ACSS2: variants seen among roughly 807,000 people sequenced by gnomAD.
ACSS2 encodes acyl-CoA synthetase short chain family member 2, also known as acetyl-coenzyme A synthetase, cytoplasmic.
In ACSS2, 58 loss-of-function variants were observed where a neutral mutation model predicts 90.6. The observed-to-expected ratio is 0.64, with a 90% CI of 0.52 to 0.80. The LOEUF (loss-of-function observed/expected upper bound fraction) is 0.80. Ranked by LOEUF, ACSS2 falls within the 30% of genes least tolerant of loss-of-function variation. The pLI is 0.00. For missense variants in ACSS2, 759 were observed against 912.0 expected, an observed-to-expected ratio of 0.83 and a Z score of 2.16; for synonymous variants, 300 against 330.9, an observed-to-expected ratio of 0.91 and a Z score of 1.01.
intron 2 of ACSS2, among the ~76,000 whole-genome samples, chr20:34,911,039 A>G (rs918936662): frequency 2.0e-5 from 3 of 151,950 alleles, no homozygotes; most frequent in Non-Finnish European, 4.4e-5. Flanking sequence ...TGTGTTGCTC[A>G]GATTGGTCTT....
In ACSS2 at chr20:34,919,636, GAAGT is replaced by G. The variant is rs1399782834; in HGVS notation, c.972+69_972+72del. The G allele has an allele frequency of 5.3e-6, 8 of 1,514,546 alleles. No individual in the cohort carries two copies. In the Admixed American group the frequency reaches 1.6e-4, roughly 31 times the overall value. The allele number at this position is 1,514,546 out of a possible 1,614,324, so 93.8% of individuals were successfully genotyped here. The stretch of plus-strand genomic sequence containing the variant: ...GTGTGTGTGTATTATGTAGGGGTAA[GAAGT>G]AAGTTTCTGAGGAAACAAGTAATGA... On this transcript the variant is annotated intron_variant, in intron 8 of 17. Coordinates refer to ENST00000360596, the MANE Select transcript of ACSS2 (RefSeq NM_018677.4).
upstream of ACSS2, among the ~76,000 whole-genome samples, chr20:34,875,584 C>T (rs1243938584): frequency 6.6e-6 from 1 of 151,956 alleles, no homozygotes; most frequent in Non-Finnish European, 1.5e-5. Flanking sequence ...ACAAAAACAA[C>T]AACAAAAAAA....
chr20:34,925,401 C>T (rs190935211), intron 14 of ACSS2, among the ~76,000 whole-genome samples: 2 of 152,242 alleles, frequency 1.3e-5, no homozygotes, highest in East Asian at 1.9e-4. Flanking sequence ...ACAATGCAAC[C>T]GAGACAAGCT....
intron 1 of ACSS2, among the ~76,000 whole-genome samples, chr20:34,877,940 A>ATAGATAGATAGATAGATAGT (rs958596109): frequency 1.3e-5 from 2 of 148,576 alleles, no homozygotes; most frequent in South Asian, 2.1e-4. Flanking sequence ...AGATAGATAG[A>ATAGATAGATAGATAGATAGT]TAGTTTGTTT....
chr20:34,888,769 G>A (rs1262074780), intron 2 of ACSS2, among the ~76,000 whole-genome samples: 2 of 152,194 alleles, frequency 1.3e-5, no homozygotes, highest in East Asian at 1.9e-4. Flanking sequence ...AAAGTATGGA[G>A]TGTGCCACGC....
intron 2 of ACSS2, among the ~76,000 whole-genome samples, chr20:34,903,165 A>G (rs2080711014): frequency 6.6e-6 from 1 of 151,950 alleles, no homozygotes; most frequent in East Asian, 2.0e-4. Flanking sequence ...AACATGGTAA[A>G]ACTTCATCTC....
chr20:34,920,643 TG>T lies in ACSS2; in HGVS notation c.1079del (p.Gly360ValfsTer32), dbSNP rs2081176160. On this transcript the variant is annotated frameshift_variant, in exon 9 of 18. Coordinates refer to ENST00000360596, the MANE Select transcript of ACSS2 (RefSeq NM_018677.4). LOFTEE classifies it high-confidence loss of function. ...ATGTGTTCTGGTGCACGGCAGACATTGGTTGGATCACTGGTCATTCCTACGT... is the reference window on the plus strand; with the variant it reads ...ATGTGTTCTGGTGCACGGCAGACATTGTTGGATCACTGGTCATTCCTACGT... ...EDVFWCTADI[G>X]WITGHSYVTY... 5 of 1,614,014 alleles carry T rather than the reference TG, an allele frequency of 3.1e-6. No homozygotes were observed. The highest frequency in any genetic ancestry group is 4.2e-6 in the Non-Finnish European group (5 of 1,180,016).
chr20:34,894,386 T>A (rs6120754), intron 2 of ACSS2, among the ~76,000 whole-genome samples: 83,123 of 151,886 alleles, frequency 0.55, 23,417 homozygotes, highest in South Asian at 0.74. Flanking sequence ...GCTACTCGGG[T>A]GGCTGAGGCA....
chr20:34,911,776 G>T (rs1415824137), intron 2 of ACSS2, among the ~76,000 whole-genome samples: 1 of 152,116 alleles, frequency 6.6e-6, no homozygotes, highest in South Asian at 2.1e-4. Context: ...TAAGCTCCAT[G>T]ATATCAGGTA....
intron 2 of ACSS2, among the ~76,000 whole-genome samples, chr20:34,906,941 A>C (rs1262502006): frequency 7.2e-6 from 1 of 139,764 alleles, no homozygotes; most frequent in Non-Finnish European, 1.5e-5. Flanking sequence ...CCGAGATCGC[A>C]CTATTGCACT....
chr20:34,913,284 G>A, intron 3 of ACSS2, 97 bp downstream of exon 3: 1 of 1,551,072 alleles, frequency 6.4e-7, no homozygotes, highest in Non-Finnish European at 8.9e-7. Flanking sequence ...GAAAGAATTT[G>A]GTAACAGAGG....
intron 2 of ACSS2, among the ~76,000 whole-genome samples, chr20:34,894,017 A>G (rs931284231): frequency 6.6e-5 from 10 of 152,240 alleles, no homozygotes; most frequent in Admixed American, 3.3e-4. Context: ...TCTAAGTGTG[A>G]TTTTTTTGAC....
chr20:34,919,085 G>A (rs2081136228), intron 7 of ACSS2, among the ~76,000 whole-genome samples: 1 of 152,138 alleles, frequency 6.6e-6, no homozygotes, highest in Non-Finnish European at 1.5e-5. Context: ...AGCAGGGTTG[G>A]GGGTAGCAAT....
At chr20:34,913,243 T>A in intron 3 of ACSS2, 56 bp downstream of exon 3, 1 of 1,585,922 alleles carries the variant, frequency 6.3e-7, no homozygotes. Context: ...TATCTGAGTA[T>A]CTGAGACTTA....
In ACSS2 at chr20:34,882,980, C is replaced by A; in HGVS notation, c.365C>A (p.Ala122Asp). The change falls in exon 2 of 18, where the codon GCT becomes GAT. Residue 122 changes from alanine (A) to aspartate (D), a missense_variant. Coordinates refer to ENST00000360596, the MANE Select transcript of ACSS2 (RefSeq NM_018677.4). Reference protein sequence around the residue: ...VHEKKLGDKVAFYWEGNEPGE... With the variant: ...VHEKKLGDKVDFYWEGNEPGE... ...GAGAAAAAGCTTGGAGATAAAGTTG[C>A]TTTTTACTGGTAAAAATATCTATCT... is the stretch of plus-strand genomic sequence containing the variant. 6.2e-7 allele frequency: 1 copy of A among 1,601,806 alleles called. No individual in the cohort carries two copies. Among genetic ancestry groups the A allele is most frequent in the Non-Finnish European group, 8.5e-7 (1 of 1,176,332 alleles).
intron 1 of ACSS2, among the ~76,000 whole-genome samples, chr20:34,877,909 C>CAGACAGATAGATAGATAGATAGATAGAT (rs1555878357): frequency 6.8e-6 from 1 of 146,534 alleles, no homozygotes; most frequent in Admixed American, 6.9e-5. Context: ...GATAGATAGA[C>CAGACAGATAGATAGATAGATAGATAGAT]AGATAGATAG....
At chr20:34,899,962 A>G (rs909047604) in intron 2 of ACSS2, among the ~76,000 whole-genome samples, 4 of 152,156 alleles carry the variant, frequency 2.6e-5, no homozygotes, top group Admixed American at 1.3e-4. Flanking sequence ...TGGTAAGTCT[A>G]TATTTAACCT....
At chr20:34,892,576 A>C (rs2080360228) in intron 2 of ACSS2, among the ~76,000 whole-genome samples, 2 of 152,186 alleles carry the variant, frequency 1.3e-5, no homozygotes, top group Admixed American at 6.6e-5. Context: ...CACCTCTTTA[A>C]ACCTCAATTT....
chr20:34,875,368 A>C (rs2079884540), upstream of ACSS2, among the ~76,000 whole-genome samples: 1 of 152,204 alleles, frequency 6.6e-6, no homozygotes, highest in Non-Finnish European at 1.5e-5. Context: ...CAGGAGTTCA[A>C]GACCAGCCTG....
Sources: allele counts gnomAD v4.1 joint callset (sites outside exome capture counted in the v4.1 genomes callset), GRCh38; gene constraint gnomAD v4.1.1; transcripts MANE v1.5; gene names NCBI Gene and HGNC (gene_info 2026-07-23, HGNC 2026-07-21).